Variants in SYNE1 observed in about 807,000 individuals in gnomAD.
The protein encoded by SYNE1 is spectrin repeat containing nuclear envelope protein 1, also known as nesprin-1.
SYNE1 carries 616 observed loss-of-function variants against 1,111.0 expected under a neutral mutation model. That is an observed-to-expected ratio of 0.55 (90% confidence interval 0.52 to 0.59). The LOEUF (loss-of-function observed/expected upper bound fraction) is 0.59, where lower values mean the gene tolerates loss of function less well. Ranked by LOEUF, SYNE1 falls within the 20% of genes least tolerant of loss-of-function variation. SYNE1 has a pLI of 0.00. For synonymous variants in SYNE1, 3,855 were observed against 3,825.8 expected (o/e 1.01, Z -0.28); for missense variants, 10,006 against 10,417.0 (o/e 0.96, Z 1.72).
At position 152,122,415 on chromosome 6, in the gene SYNE1, T is replaced by G. The variant is rs777082182; in HGVS notation, c.*21A>C. On this transcript the variant is annotated 3_prime_UTR_variant, in exon 146 of 146. Transcript: ENST00000367255. ...ATCCTCCTTATGCTACCAGCACTTC[T>G]GCAGATGGCATCTGCTTAGTTCAGA... The G allele has an allele frequency of 6.2e-7, 1 of 1,613,936 alleles. No homozygotes were observed. Among genetic ancestry groups the G allele is most frequent in the African/African-American group, 1.3e-5 (1 of 74,948 alleles).
At chr6:152,276,317 G>A (rs1426740362) in intron 98 of SYNE1, among the ~76,000 whole-genome samples, 1 of 152,136 alleles carries the variant, frequency 6.6e-6, no homozygotes, top group Non-Finnish European at 1.5e-5. Flanking sequence ...ATACAGGCGT[G>A]AGCCACTGTG....
chr6:152,404,985 G>A (rs968526402), intron 45 of SYNE1: 34 of 152,268 alleles, frequency 2.2e-4, no homozygotes, highest in African/African-American at 8.2e-4. Flanking sequence ...TTGGTGCTTT[G>A]TGGACACTAG....
intron 32 of SYNE1, among the ~76,000 whole-genome samples, chr6:152,436,796 T>C (rs1001150402): frequency 3.9e-5 from 6 of 152,330 alleles, no homozygotes; most frequent in East Asian, 1.9e-4. Context: ...TGATTGATCA[T>C]AGACATAATA....
chr6:152,196,281 A>G (rs1363038668), intron 127 of SYNE1, among the ~76,000 whole-genome samples: 2 of 151,986 alleles, frequency 1.3e-5, no homozygotes, highest in Non-Finnish European at 2.9e-5. Flanking sequence ...TGTTGTTGCT[A>G]TGCTGGTACC....
chr6:152,285,983 T>G (rs2094304454), intron 95 of SYNE1, among the ~76,000 whole-genome samples: 1 of 152,222 alleles, frequency 6.6e-6, no homozygotes, highest in South Asian at 2.1e-4. Context: ...TGCCAGCATT[T>G]CATAGTTTCC....
At chr6:152,584,827 C>G (rs941007283) in intron 3 of SYNE1, among the ~76,000 whole-genome samples, 3 of 152,314 alleles carry the variant, frequency 2.0e-5, no homozygotes, top group Admixed American at 6.5e-5. Context: ...GCTTCTGCAT[C>G]TTCACGTTAC....
intron 15 of SYNE1, 86 bp downstream of exon 15, chr6:152,472,215 A>T: frequency 2.4e-6 from 3 of 1,248,470 alleles, no homozygotes; most frequent in Middle Eastern, 4.7e-4. Flanking sequence ...TGTTAAAAAA[A>T]AATCATGAAA....
intron 54 of SYNE1, among the ~76,000 whole-genome samples, chr6:152,386,853 G>GA (rs1190835427): frequency 6.6e-6 from 1 of 152,110 alleles, no homozygotes; most frequent in Non-Finnish European, 1.5e-5. Context: ...CAAGATTGTA[G>GA]AAAGAGAAAA....
intron 9 of SYNE1, 60 bp downstream of exon 9, chr6:152,505,141 T>C: frequency 6.3e-7 from 1 of 1,584,422 alleles, no homozygotes; most frequent in Non-Finnish European, 8.7e-7. Context: ...TATTTCTGGG[T>C]TTAAGACATA....
At chr6:152,362,054 A>G in intron 64 of SYNE1, 116 bp downstream of exon 64, 1 of 1,403,054 alleles carries the variant, frequency 7.1e-7, no homozygotes, top group Non-Finnish European at 1.0e-6. Context: ...AAAAGCCCCA[A>G]ACGTAATTTG....
intron 108 of SYNE1, among the ~76,000 whole-genome samples, chr6:152,237,664 G>A (rs954173797): frequency 5.3e-5 from 8 of 152,178 alleles, no homozygotes; most frequent in African/African-American, 1.9e-4. Context: ...TAAGTCAAAA[G>A]GATGGGGATG....
intron 65 of SYNE1, among the ~76,000 whole-genome samples, 200 bp from the exon 66 acceptor site, chr6:152,358,737 T>C (rs2096881719): frequency 1.3e-5 from 2 of 152,226 alleles, no homozygotes; most frequent in Admixed American, 6.5e-5. Flanking sequence ...GTGTCATTAA[T>C]TATTTTGTTG....
At chr6:152,206,479 G>T in intron 125 of SYNE1, 117 bp from the exon 126 acceptor site, 1 of 1,103,418 alleles carries the variant, frequency 9.1e-7, no homozygotes, top group Non-Finnish European at 1.3e-6. Context: ...ATTTACCGTA[G>T]TGGTGCTTTG....
At chr6:152,268,227 A>G in intron 99 of SYNE1, 62 bp from the exon 100 acceptor site, 1 of 1,327,720 alleles carries the variant, frequency 7.5e-7, no homozygotes, top group African/African-American at 1.4e-5. Context: ...GCCTACAATC[A>G]TAGTTCTAGC....
At position 152,220,944 on chromosome 6, in the gene SYNE1, C is replaced by T. The variant is rs775672135; in HGVS notation, c.21759G>A (p.Ser7253=). The change falls in exon 119 of 146, where the codon TCG becomes TCA. Residue 7253 remains serine (S), a synonymous_variant. Coordinates refer to ENST00000367255, the MANE Select transcript of SYNE1 (RefSeq NM_182961.4). ...RYKDYSKQCA[S]TVQQQEDRTN... ...TTCGATCCTCCTGCTGCTGAACTGTCGAAGCACACTGTTTGGAGTAGTCCT... is the reference window on the plus strand; with the variant it reads ...TTCGATCCTCCTGCTGCTGAACTGTTGAAGCACACTGTTTGGAGTAGTCCT... 9.3e-6 allele frequency: 15 copies of T among 1,614,052 alleles called. No homozygotes were observed. Among genetic ancestry groups the T allele is most frequent in the South Asian group, 3.3e-5 (3 of 91,090 alleles).
Position 152,139,962 on chromosome 6 carries a change from G to A in SYNE1, c.25446C>T (p.Ile8482=). ...STDIQTIELQ[I]KKLKELQKAV... is the part of the protein sequence containing the mutation. ...AAGGGGCAGCTACCTTGAGCTTTTT[G>A]ATCTGGAGCTCGATGGTCTGGATGT... Residue 8482 remains isoleucine, a synonymous_variant, in exon 140 of 146, where the codon ATC becomes ATT. Coordinates refer to ENST00000367255, the MANE Select transcript of SYNE1 (RefSeq NM_182961.4). 15 of 1,613,528 alleles carry A rather than the reference G, an allele frequency of 9.3e-6. No individual in the cohort carries two copies. The highest frequency in any genetic ancestry group is 1.2e-5 in the Non-Finnish European group (14 of 1,180,022).
rs1409041322 is a variant in SYNE1 at position 152,416,434 on chromosome 6, A to C, written c.6003T>G (p.Thr2001=). The change falls in exon 41 of 146, where the codon ACT becomes ACG. Residue 2001 remains threonine, a synonymous_variant. Transcript: ENST00000367255. Reference sequence around the variant, plus strand: ...TAGGTTCTTTCAATCGCTCTTTGTCAGTCCTTTCTTCAATGTCCTCAATGC... The same window carrying C: ...TAGGTTCTTTCAATCGCTCTTTGTCCGTCCTTTCTTCAATGTCCTCAATGC... ...LKSIEDIEER[T]DKERLKEPTR... is the part of the protein sequence containing the mutation. 1 of 1,614,130 alleles carries C rather than the reference A, an allele frequency of 6.2e-7. No homozygotes were observed. Among genetic ancestry groups the C allele is most frequent in the Non-Finnish European group, 8.5e-7 (1 of 1,180,032 alleles).
chr6:152,289,982 A>G (rs1589410923), intron 95 of SYNE1, among the ~76,000 whole-genome samples: 1 of 143,380 alleles, frequency 7.0e-6, no homozygotes, highest in Non-Finnish European at 1.5e-5. Flanking sequence ...GCAGTCTCCC[A>G]TCCAAGTACT....
chr6:152,347,879 T>C (rs1293926912), intron 72 of SYNE1, among the ~76,000 whole-genome samples: 2 of 150,216 alleles, frequency 1.3e-5, no homozygotes, highest in African/African-American at 4.9e-5. Context: ...TTAGTAGAGA[T>C]GGAGTTTTAC....
Sources: gnomAD v4.1 joint callset for allele counts (sites outside exome capture counted in the v4.1 genomes callset) on GRCh38, gnomAD v4.1.1 for gene constraint, MANE v1.5 for transcripts, NCBI Gene and HGNC (gene_info 2026-07-23, HGNC 2026-07-21) for gene names.